The following NIBAN1 variants were observed in gnomAD, a reference collection of about 807,000 sequenced individuals.
NIBAN1 encodes niban apoptosis regulator 1.
A neutral mutation model predicts 75.1 loss-of-function variants in NIBAN1; 81 were observed. The observed-to-expected ratio is 1.08, with a 90% CI of 0.90 to 1.30. NIBAN1 has a LOEUF of 1.30. NIBAN1 is among the 50% of genes most tolerant of loss of function. The pLI, the probability that NIBAN1 is intolerant of heterozygous loss-of-function variation, is 0.00. For missense variants in NIBAN1, 1,133 were observed against 1,128.1 expected, an observed-to-expected ratio of 1.00 and a Z score of -0.06; for synonymous variants, 436 against 424.8, an observed-to-expected ratio of 1.03 and a Z score of -0.32.
intron 1 of NIBAN1, among the ~76,000 whole-genome samples, chr1:184,913,155 T>TATATATATATATATC (rs1245492472): frequency 1.3e-5 from 1 of 74,766 alleles, no homozygotes. Context: ...ATATATATAT[T>TATATATATATATATC]ATATATATAT....
At chr1:184,830,097 A>G (rs200713372) in intron 6 of NIBAN1, among the ~76,000 whole-genome samples, 1 of 152,248 alleles carries the variant, frequency 6.6e-6, no homozygotes, top group Non-Finnish European at 1.5e-5. Context: ...AGTTGAATGA[A>G]TGAGACTAGG....
chr1:184,794,864 A>C lies in NIBAN1; in HGVS notation c.*113T>G. ...TGCATTTCCTCTGGTTTTATTATTC[A>C]AATTAAGAAAATACTTAAAAATTTT... On this transcript the variant is annotated 3_prime_UTR_variant, in exon 14 of 14. Transcript: ENST00000367511. The C allele has an allele frequency of 7.1e-7, 1 of 1,410,770 alleles. No individual in the cohort carries two copies. Among genetic ancestry groups the C allele is most frequent in the East Asian group, 2.3e-5 (1 of 43,142 alleles). The allele number at this position is 1,410,770 out of a possible 1,614,324, so 87.4% of individuals were successfully genotyped here.
intron 1 of NIBAN1, among the ~76,000 whole-genome samples, chr1:184,946,010 A>AT (rs1380556729): frequency 1.3e-5 from 2 of 151,614 alleles, no homozygotes; most frequent in African/African-American, 4.9e-5. Context: ...AAAAAAAAAA[A>AT]GAAAGAGGGG....
intron 4 of NIBAN1, among the ~76,000 whole-genome samples, chr1:184,888,364 C>T (rs1456341569): frequency 6.6e-6 from 1 of 152,126 alleles, no homozygotes; most frequent in Non-Finnish European, 1.5e-5. Flanking sequence ...CCTCCTTGCC[C>T]TCTCCAAGAA....
In NIBAN1 at chr1:184,795,526, T is replaced by C; in HGVS notation, c.2238A>G (p.Glu746=). 1.9e-6 allele frequency: 3 copies of C among 1,614,078 alleles called. No homozygotes were observed. Among genetic ancestry groups the C allele is most frequent in the Non-Finnish European group, 2.5e-6 (3 of 1,180,022 alleles). ...CCTGACTGGGCTCTTTTTCCTCTTC[T>C]TCTTCATTTTCTTGGGGAACGTGGC... is the stretch of plus-strand genomic sequence containing the variant. The part of the protein sequence containing the change: ...GESHVPQENE[E]EEEKEPSQAA... Residue 746 remains glutamate (E), a synonymous_variant, in exon 14 of 14, where the codon GAA becomes GAG. Transcript: ENST00000367511.
chr1:184,943,276 GA>G (rs1485752521), intron 1 of NIBAN1, among the ~76,000 whole-genome samples: 1 of 152,108 alleles, frequency 6.6e-6, no homozygotes, highest in Non-Finnish European at 1.5e-5. Context: ...CCAACAAATG[GA>G]AAAACAAGGG....
chr1:184,905,381 C>A lies in NIBAN1; in HGVS notation c.56-6072G>T, dbSNP rs541944997. On this transcript the variant is annotated intron_variant, in intron 1 of 13. Transcript: ENST00000367511. ...AACCTTCTGACTTGTCCTGGACTGG[C>A]AGCTTTCATTTAACATGCTGCTGCA... Among the ~76,000 whole-genome samples the A allele has an allele frequency of 2.0e-5, 3 of 152,232 alleles. No individual in the cohort carries two copies. The South Asian group carries it at 6.2e-4, about 32-fold the overall frequency.
At chr1:184,863,534 C>T (rs908130887) in intron 5 of NIBAN1, among the ~76,000 whole-genome samples, 1 of 152,282 alleles carries the variant, frequency 6.6e-6, no homozygotes, top group East Asian at 1.9e-4. Context: ...CAAGCAACTG[C>T]AATTGCAATT....
chr1:184,860,382 TC>T (rs759001233), intron 5 of NIBAN1, among the ~76,000 whole-genome samples: 39 of 152,098 alleles, frequency 2.6e-4, no homozygotes, highest in Non-Finnish European at 4.7e-4. Flanking sequence ...AAAATTAGCT[TC>T]CAAAAATTGT....
chr1:184,886,901 T>G (rs753797920), intron 4 of NIBAN1, among the ~76,000 whole-genome samples: 1 of 152,066 alleles, frequency 6.6e-6, no homozygotes, highest in Non-Finnish European at 1.5e-5. Flanking sequence ...GGAGGGTAGA[T>G]CATGAGGTCA....
At chr1:184,973,745 G>A (rs1658995468) in intron 1 of NIBAN1, among the ~76,000 whole-genome samples, 1 of 152,246 alleles carries the variant, frequency 6.6e-6, no homozygotes, top group South Asian at 2.1e-4. Context: ...CCTCTCCGGG[G>A]CGGGAAGGGA....
chr1:184,955,029 G>GTTTTAATTATTTTTA (rs1658448344), intron 1 of NIBAN1, among the ~76,000 whole-genome samples: 2 of 152,098 alleles, frequency 1.3e-5, no homozygotes, highest in Non-Finnish European at 2.9e-5. Context: ...TTTAAAAACT[G>GTTTTAATTATTTTTA]ATTACATTAG....
chr1:184,815,614 G>T (rs1214666186), intron 9 of NIBAN1, among the ~76,000 whole-genome samples: 2 of 152,118 alleles, frequency 1.3e-5, no homozygotes, highest in South Asian at 2.1e-4. Flanking sequence ...TGAAAAGGAG[G>T]TCTATTATGT....
At chr1:184,885,797 G>A (rs540407986) in intron 4 of NIBAN1, among the ~76,000 whole-genome samples, 9 of 152,144 alleles carry the variant, frequency 5.9e-5, no homozygotes, top group Non-Finnish European at 1.5e-5. Flanking sequence ...CTTTTCATCT[G>A]ACCTGGAATA....
At chr1:184,925,692 AC>A (rs1657664286) in intron 1 of NIBAN1, among the ~76,000 whole-genome samples, 1 of 151,870 alleles carries the variant, frequency 6.6e-6, no homozygotes. Flanking sequence ...CAAAGAGAAA[AC>A]AAAAAAAAAC....
chr1:184,857,756 T>C (rs1655716498), intron 5 of NIBAN1, among the ~76,000 whole-genome samples: 1 of 152,140 alleles, frequency 6.6e-6, no homozygotes, highest in African/African-American at 2.4e-5. Context: ...TATGTGTGTA[T>C]ATATATAATT....
At chr1:184,921,281 G>A (rs1343118037) in intron 1 of NIBAN1, among the ~76,000 whole-genome samples, 1 of 152,016 alleles carries the variant, frequency 6.6e-6, no homozygotes, top group Admixed American at 6.5e-5. Flanking sequence ...TGGGCAACAA[G>A]GGTGAAACTC....
In NIBAN1 at chr1:184,796,058, A is replaced by G. The variant is rs1166930558; in HGVS notation, c.1706T>C (p.Phe569Ser). The change falls in exon 14 of 14, where the codon TTT becomes TCT. Residue 569 changes from phenylalanine (F) to serine (S), a missense_variant. By Grantham distance (155) the Phe-to-Ser change is radical. Transcript: ENST00000367511. ...EAAILKKHNL[F>S]EDNMALPSES... ...ACTGGGCAAGGCCATGTTATCTTCA[A>G]ATAAGTTGTGTTTCTTCAAGATAGC... 3 of 1,574,432 alleles carry G rather than the reference A, an allele frequency of 1.9e-6. No individual in the cohort carries two copies. Among genetic ancestry groups the G allele is most frequent in the African/African-American group, 1.4e-5 (1 of 73,190 alleles).
At chr1:184,823,077 A>G (rs1241617187) in intron 8 of NIBAN1, 90 bp downstream of exon 8, 3 of 1,447,370 alleles carry the variant, frequency 2.1e-6, no homozygotes, top group Non-Finnish European at 2.8e-6. Flanking sequence ...AAGTGTAATT[A>G]TCCTCTGAAA....
Sources: allele counts gnomAD v4.1 joint callset (sites outside exome capture counted in the v4.1 genomes callset), GRCh38; gene constraint gnomAD v4.1.1; transcripts MANE v1.5; gene names NCBI Gene and HGNC (gene_info 2026-07-23, HGNC 2026-07-21).